GALNT17: variants seen among roughly 807,000 people sequenced by gnomAD.
GALNT17 encodes polypeptide N-acetylgalactosaminyltransferase 17.
GALNT17 carries 29 observed loss-of-function variants against 63.7 expected under a neutral mutation model. That is an observed-to-expected ratio of 0.46 (90% CI 0.34 to 0.62). GALNT17 has a LOEUF of 0.62. Ranked by LOEUF, GALNT17 falls within the 20% of genes least tolerant of loss-of-function variation. GALNT17 has a pLI of 0.01. For synonymous variants in GALNT17, 305 were observed against 318.3 expected, an observed-to-expected ratio of 0.96 and a Z score of 0.45; for missense variants, 603 against 799.6, an observed-to-expected ratio of 0.75 and a Z score of 2.97.
At chr7:71,579,441 A>G (rs1789597703) in intron 6 of GALNT17, among the ~76,000 whole-genome samples, 2 of 152,238 alleles carry the variant, frequency 1.3e-5, no homozygotes, top group African/African-American at 2.4e-5. Context: ...TGAAATAAAT[A>G]ATTAGCACTG....
chr7:71,147,011 T>C (rs1159862048), intron 1 of GALNT17, among the ~76,000 whole-genome samples: 1 of 152,182 alleles, frequency 6.6e-6, no homozygotes, highest in East Asian at 1.9e-4. Context: ...TGTTAGGTGC[T>C]GTACTTCCCT....
At chr7:71,515,421 C>T (rs1788429029) in intron 5 of GALNT17, among the ~76,000 whole-genome samples, 1 of 152,198 alleles carries the variant, frequency 6.6e-6, no homozygotes, top group African/African-American at 2.4e-5. Context: ...AATTATGTAA[C>T]AAGCTACATC....
chr7:71,454,705 TCAGC>T (rs1449854572), intron 5 of GALNT17, among the ~76,000 whole-genome samples: 13 of 152,152 alleles, frequency 8.5e-5, no homozygotes, highest in Admixed American at 7.2e-4. Context: ...CATGAACAAT[TCAGC>T]TTTATGCCTC....
intron 1 of GALNT17, among the ~76,000 whole-genome samples, chr7:71,136,099 G>A (rs1229428153): frequency 6.6e-6 from 1 of 152,170 alleles, no homozygotes; most frequent in Non-Finnish European, 1.5e-5. Flanking sequence ...GGCCCCTCAA[G>A]CACCTTCATC....
At chr7:71,643,447 C>T (rs1371901846) in intron 6 of GALNT17, among the ~76,000 whole-genome samples, 1 of 151,916 alleles carries the variant, frequency 6.6e-6, no homozygotes, top group Non-Finnish European at 1.5e-5. Context: ...CAACCTGGGC[C>T]ACAGAGCGAG....
chr7:71,637,973 G>A (rs956441666), intron 6 of GALNT17, among the ~76,000 whole-genome samples: 9 of 152,210 alleles, frequency 5.9e-5, no homozygotes, highest in Admixed American at 5.2e-4. Context: ...GCTGCTGGTT[G>A]CCCATGTTTA....
At chr7:71,686,079 C>A (rs578251939) in intron 9 of GALNT17, among the ~76,000 whole-genome samples, 4 of 150,934 alleles carry the variant, frequency 2.7e-5, no homozygotes, top group East Asian at 3.9e-4. Context: ...CTCAGCCTCC[C>A]GAGTAGCTGG....
intron 1 of GALNT17, among the ~76,000 whole-genome samples, chr7:71,135,873 AG>A (rs1787775247): frequency 6.6e-6 from 1 of 152,160 alleles, no homozygotes; most frequent in African/African-American, 2.4e-5. Context: ...TGGTGGAGTC[AG>A]GTGCTGTGGG....
chr7:71,437,123 A>T (rs992872164), intron 5 of GALNT17, among the ~76,000 whole-genome samples: 9 of 152,312 alleles, frequency 5.9e-5, no homozygotes, highest in Admixed American at 3.9e-4. Flanking sequence ...CCCTGAGTAG[A>T]GAGCAATCAT....
intron 1 of GALNT17, among the ~76,000 whole-genome samples, chr7:71,137,154 T>TTC (rs1227830769): frequency 4.0e-5 from 6 of 149,710 alleles, no homozygotes; most frequent in Middle Eastern, 6.9e-3. Context: ...TTTTTTTTTT[T>TTC]TTTGAGACAG....
intron 1 of GALNT17, among the ~76,000 whole-genome samples, chr7:71,268,561 A>C (rs1309157255): frequency 6.8e-6 from 1 of 147,090 alleles, no homozygotes; most frequent in Non-Finnish European, 1.5e-5. Flanking sequence ...ATAAATAAAT[A>C]AATAAATAAA....
intron 6 of GALNT17, among the ~76,000 whole-genome samples, chr7:71,629,220 G>T (rs187919330): frequency 6.6e-6 from 1 of 152,066 alleles, no homozygotes; most frequent in Non-Finnish European, 1.5e-5. Flanking sequence ...GAGTGAGGGG[G>T]CAGAGGAATA....
chr7:71,435,789 A>G (rs962234456), intron 5 of GALNT17, among the ~76,000 whole-genome samples: 28 of 152,048 alleles, frequency 1.8e-4, no homozygotes, highest in African/African-American at 6.5e-4. Flanking sequence ...GGAGGCCGAG[A>G]CCGGTGGATC....
intron 1 of GALNT17, among the ~76,000 whole-genome samples, chr7:71,189,205 T>A (rs143113596): frequency 1.3e-5 from 2 of 152,050 alleles, no homozygotes; most frequent in Admixed American, 6.6e-5. Flanking sequence ...TTATAAGGAG[T>A]TTCCTTTTTT....
rs557335845 is a variant in GALNT17 at position 71,617,809 on chromosome 7, A to AT, written c.1080+46416dup. ...AGGTACTTGCCACCATGTCTGGCTAATTTTTTTTTGTATTTTTAGTAGAGA... is the reference window on the plus strand; with the variant it reads ...AGGTACTTGCCACCATGTCTGGCTAATTTTTTTTTTGTATTTTTAGTAGAGA... On this transcript the variant is annotated intron_variant, in intron 6 of 10. Coordinates refer to ENST00000333538, the MANE Select transcript of GALNT17 (RefSeq NM_022479.3). Among the ~76,000 whole-genome samples, 286 of 150,716 alleles carry AT rather than the reference A, an allele frequency of 1.9e-3. 2 individuals are homozygous for AT. The highest frequency in any genetic ancestry group is 6.8e-3 in the Middle Eastern group (2 of 294).
intron 6 of GALNT17, among the ~76,000 whole-genome samples, chr7:71,572,063 T>C (rs1053401563): frequency 2.6e-5 from 4 of 151,872 alleles, no homozygotes; most frequent in Non-Finnish European, 5.9e-5. Flanking sequence ...CAGATTTATT[T>C]TTAACAGTTT....
chr7:71,437,388 T>A (rs909111316), intron 5 of GALNT17, among the ~76,000 whole-genome samples: 4 of 152,214 alleles, frequency 2.6e-5, no homozygotes. Flanking sequence ...TTAAAACATT[T>A]GCTATTTGTT....
At chr7:71,707,601 C>A (rs1210596994) in intron 9 of GALNT17, among the ~76,000 whole-genome samples, 1 of 152,190 alleles carries the variant, frequency 6.6e-6, no homozygotes, top group African/African-American at 2.4e-5. Flanking sequence ...CTGATCTGGA[C>A]TAGGCTTGGC....
At chr7:71,256,221 A>G (rs754750291) in intron 1 of GALNT17, among the ~76,000 whole-genome samples, 13 of 152,156 alleles carry the variant, frequency 8.5e-5, no homozygotes, top group Admixed American at 7.2e-4. Flanking sequence ...TTCAGATCCA[A>G]CCAGTGCACA....
Sources: gnomAD v4.1 joint callset for allele counts (sites outside exome capture counted in the v4.1 genomes callset) on GRCh38, gnomAD v4.1.1 for gene constraint, MANE v1.5 for transcripts, NCBI Gene and HGNC (gene_info 2026-07-23, HGNC 2026-07-21) for gene names.